Variants in PHKB observed in about 807,000 individuals in gnomAD.
PHKB encodes phosphorylase b kinase regulatory subunit beta.
PHKB carries 122 observed loss-of-function variants against 152.1 expected under a neutral mutation model. That is an observed-to-expected ratio of 0.80 (90% confidence interval 0.69 to 0.93). The LOEUF is 0.93. Ranked by LOEUF, PHKB falls within the 40% of genes least tolerant of loss-of-function variation. The pLI, the probability that PHKB is intolerant of heterozygous loss-of-function variation, is 0.00. For synonymous variants in PHKB, 436 were observed against 464.9 expected (o/e 0.94, Z 0.80); for missense variants, 1,304 against 1,328.4 (o/e 0.98, Z 0.29).
At chr16:47,655,374 G>T (rs999298529) in intron 20 of PHKB, among the ~76,000 whole-genome samples, 1 of 151,986 alleles carries the variant, frequency 6.6e-6, no homozygotes, top group African/African-American at 2.4e-5. Context: ...TTTTACTTTG[G>T]GCATATCATA....
chr16:47,598,977 A>G (rs1436301890), intron 13 of PHKB: 3 of 1,216,394 alleles, frequency 2.5e-6, no homozygotes, highest in Non-Finnish European at 3.6e-6. Flanking sequence ...CCACAAGGCC[A>G]GTGGTCTTCT....
chr16:47,469,396 T>C (rs1969725174), intron 1 of PHKB, among the ~76,000 whole-genome samples: 1 of 152,184 alleles, frequency 6.6e-6, no homozygotes, highest in African/African-American at 2.4e-5. Context: ...GTGGTACATA[T>C]ACACCAGGGA....
chr16:47,567,023 G>C, intron 7 of PHKB: 1 of 392,006 alleles, frequency 2.6e-6, no homozygotes, highest in Non-Finnish European at 4.6e-6. Context: ...GTCAGGTAAT[G>C]TGATATCTCC....
At chr16:47,545,952 A>G (rs1207399203) in intron 6 of PHKB, among the ~76,000 whole-genome samples, 1 of 152,184 alleles carries the variant, frequency 6.6e-6, no homozygotes, top group African/African-American at 2.4e-5. Flanking sequence ...AGATCAGTTG[A>G]GGTCTTCTCT....
At chr16:47,503,392 A>G (rs886926162) in intron 4 of PHKB, among the ~76,000 whole-genome samples, 10 of 152,210 alleles carry the variant, frequency 6.6e-5, no homozygotes, top group Non-Finnish European at 7.3e-5. Flanking sequence ...AATATCGATA[A>G]TTCTAACCAA....
chr16:47,541,809 G>T (rs1433857157), intron 6 of PHKB, among the ~76,000 whole-genome samples: 1 of 151,940 alleles, frequency 6.6e-6, no homozygotes, highest in Non-Finnish European at 1.5e-5. Context: ...TTTGAAAAGT[G>T]TCTGTTCATA....
At chr16:47,559,733 G>A (rs894515531) in intron 7 of PHKB, among the ~76,000 whole-genome samples, 1 of 152,186 alleles carries the variant, frequency 6.6e-6, no homozygotes, top group Admixed American at 6.5e-5. Flanking sequence ...AGACTCAGAA[G>A]TCATGCAGTG....
intron 20 of PHKB, among the ~76,000 whole-genome samples, chr16:47,652,379 C>CTTT (rs112153239): frequency 1.5e-4 from 17 of 116,756 alleles, no homozygotes; most frequent in African/African-American, 4.7e-4. Flanking sequence ...CTCTAGTGGT[C>CTTT]TTTTTTTTTT....
chr16:47,648,749 G>C, intron 17 of PHKB, 133 bp downstream of exon 17: 2 of 707,412 alleles, frequency 2.8e-6, no homozygotes, highest in Non-Finnish European at 5.2e-6. Context: ...ATTATTTTCT[G>C]CTAGTAAACA....
rs9921690 is a variant in PHKB, at chr16:47,633,484, C to T, written c.1459-7551C>T. ...CTAAATAACCCTTCCAAAGGCATGG[C>T]ATGAGGTGATCCAAGACTCGTGCCA... On this transcript the variant is annotated intron_variant, in intron 14 of 30. Transcript: ENST00000323584. Among the ~76,000 whole-genome samples the T allele has an allele frequency of 4.2e-3, 636 of 152,292 alleles. 6 individuals are homozygous for T. The highest frequency in any genetic ancestry group is 0.015 in the African/African-American group (606 of 41,558).
intron 7 of PHKB, among the ~76,000 whole-genome samples, chr16:47,568,812 T>C (rs1480415185): frequency 6.6e-6 from 1 of 152,212 alleles, no homozygotes; most frequent in East Asian, 1.9e-4. Flanking sequence ...GGTTTAATTT[T>C]CATGTATTTG....
chr16:47,650,844 A>G lies in PHKB; in HGVS notation c.1894A>G (p.Asn632Asp), dbSNP rs530842640. The G allele has an allele frequency of 1.2e-5, 20 of 1,612,654 alleles. No individual in the cohort carries two copies. Among genetic ancestry groups the G allele is most frequent in the Admixed American group, 3.3e-5 (2 of 60,004 alleles). Residue 632 changes from asparagine (N) to aspartate (D), a missense_variant, in exon 20 of 31, where the codon AAC becomes GAC. Physicochemically the swap from Asn to Asp is conservative, Grantham distance 23. Coordinates refer to ENST00000323584, the MANE Select transcript of PHKB (RefSeq NM_000293.3). ...REDNIRGSRFNPILDMLAALK... is the reference protein window; with the variant it reads ...REDNIRGSRFDPILDMLAALK... Reference sequence around the variant, plus strand: ...TATATTTTTTAGAGGTAGCCGGTTCAACCCCATATTAGATATGCTGGCAGC... The same window carrying G: ...TATATTTTTTAGAGGTAGCCGGTTCGACCCCATATTAGATATGCTGGCAGC...
intron 1 of PHKB, among the ~76,000 whole-genome samples, chr16:47,480,278 A>T (rs1022964576): frequency 6.6e-6 from 1 of 152,288 alleles, no homozygotes; most frequent in South Asian, 2.1e-4. Flanking sequence ...TTATTTTTCC[A>T]CATGTGTATC....
intron 14 of PHKB, among the ~76,000 whole-genome samples, chr16:47,630,769 A>T (rs1461037615): frequency 2.0e-5 from 3 of 152,216 alleles, no homozygotes; most frequent in Admixed American, 6.5e-5. Context: ...GACTGAGTAA[A>T]GCTTATTTTC....
intron 22 of PHKB, among the ~76,000 whole-genome samples, chr16:47,661,286 C>A (rs1973439224): frequency 6.6e-6 from 1 of 152,176 alleles, no homozygotes; most frequent in Non-Finnish European, 1.5e-5. Flanking sequence ...CCCCTCCTAT[C>A]ATCCATCTCT....
At chr16:47,511,096 A>G (rs1970502649) in intron 4 of PHKB, among the ~76,000 whole-genome samples, 1 of 152,218 alleles carries the variant, frequency 6.6e-6, no homozygotes, top group Non-Finnish European at 1.5e-5. Flanking sequence ...CTAATAAATA[A>G]TGGCGTGGCC....
intron 20 of PHKB, among the ~76,000 whole-genome samples, chr16:47,657,499 T>C (rs569611133): frequency 1.3e-5 from 2 of 152,292 alleles, no homozygotes; most frequent in Admixed American, 6.5e-5. Context: ...TTATATTGCG[T>C]TTGACACATA....
chr16:47,653,126 C>G (rs1169671841), intron 20 of PHKB, among the ~76,000 whole-genome samples: 1 of 152,076 alleles, frequency 6.6e-6, no homozygotes, highest in African/African-American at 2.4e-5. Flanking sequence ...ATTCTTTTCT[C>G]TAAGGCTTTT....
chr16:47,533,776 C>T (rs562800593), intron 6 of PHKB, among the ~76,000 whole-genome samples: 1 of 152,284 alleles, frequency 6.6e-6, no homozygotes, highest in South Asian at 2.1e-4. Context: ...TCTGCAGCCA[C>T]AGTTTGGGCA....
Sources: gnomAD v4.1 joint callset for allele counts (sites outside exome capture counted in the v4.1 genomes callset) on GRCh38, gnomAD v4.1.1 for gene constraint, MANE v1.5 for transcripts, NCBI Gene and HGNC (gene_info 2026-07-23, HGNC 2026-07-21) for gene names.